ZBBX: variants seen among roughly 807,000 people sequenced by gnomAD.
ZBBX encodes the protein zinc finger B-box domain-containing protein 1.
Under a neutral mutation model 108.5 loss-of-function variants are expected in ZBBX, and 101 were observed. The observed-to-expected ratio is 0.93, with a 90% CI of 0.79 to 1.10. The LOEUF (loss-of-function observed/expected upper bound fraction) is 1.10, where lower values mean the gene tolerates loss of function less well. ZBBX is among the 50% of genes least tolerant of loss of function. The probability of loss-of-function intolerance (pLI) is 0.00; values close to 1 mark genes in which losing one functional copy is unlikely to be tolerated. For missense variants in ZBBX, 1,009 were observed against 941.4 expected (o/e 1.07, Z -0.94); for synonymous variants, 356 against 323.4 (o/e 1.10, Z -1.08).
intron 19 of ZBBX, among the ~76,000 whole-genome samples, chr3:167,282,818 T>C (rs1729047200): frequency 6.6e-6 from 1 of 152,188 alleles, no homozygotes; most frequent in South Asian, 2.1e-4. Flanking sequence ...CACAATTTTA[T>C]AACGTATTCC....
the ZBBX span, among the ~76,000 whole-genome samples, chr3:167,230,615 G>T: frequency 6.6e-6 from 1 of 151,886 alleles, no homozygotes; most frequent in Non-Finnish European, 1.5e-5. Flanking sequence ...CAAGGTAAAG[G>T]TCCTGAAGCT....
the ZBBX span, among the ~76,000 whole-genome samples, chr3:167,190,057 T>C: frequency 6.6e-6 from 1 of 152,222 alleles, no homozygotes; most frequent in Non-Finnish European, 1.5e-5. Flanking sequence ...ATGTTATTGA[T>C]AGACATTTAG....
chr3:167,295,702 A>G (rs1731523086), intron 18 of ZBBX, among the ~76,000 whole-genome samples: 1 of 134,028 alleles, frequency 7.5e-6, no homozygotes, highest in Admixed American at 8.3e-5. Context: ...GAAGAAACAA[A>G]AAATTGGAAT....
intron 9 of ZBBX, among the ~76,000 whole-genome samples, chr3:167,337,236 G>A (rs1460927680): frequency 6.6e-6 from 1 of 152,124 alleles, no homozygotes; most frequent in Non-Finnish European, 1.5e-5. Flanking sequence ...AGCTTATTTA[G>A]GCTGGGCAGG....
intron 19 of ZBBX, among the ~76,000 whole-genome samples, chr3:167,286,337 T>A (rs1164275888): frequency 6.6e-6 from 1 of 152,132 alleles, no homozygotes; most frequent in Non-Finnish European, 1.5e-5. Context: ...GGCATACTTT[T>A]TTCTACTTTC....
At chr3:167,271,207 A>C (rs1576835347) in intron 20 of ZBBX, among the ~76,000 whole-genome samples, 1 of 71,618 alleles carries the variant, frequency 1.4e-5, no homozygotes, top group Non-Finnish European at 4.5e-5. Context: ...GGACTAAACA[A>C]GGTCTTATTA....
chr3:167,354,235 T>C (rs1393319607), intron 8 of ZBBX, among the ~76,000 whole-genome samples: 2 of 151,906 alleles, frequency 1.3e-5, no homozygotes, highest in Admixed American at 6.6e-5. Flanking sequence ...ATCACTAGCC[T>C]GGGAAAATAT....
intron 10 of ZBBX, among the ~76,000 whole-genome samples, chr3:167,333,329 T>C (rs574595661): frequency 3.4e-4 from 51 of 152,190 alleles, no homozygotes; most frequent in African/African-American, 1.1e-3. Flanking sequence ...TATAAATATA[T>C]AGACATGAGT....
At chr3:167,342,322 G>A (rs1196482889) in intron 9 of ZBBX, among the ~76,000 whole-genome samples, 1 of 151,694 alleles carries the variant, frequency 6.6e-6, no homozygotes, top group Non-Finnish European at 1.5e-5. Context: ...ATTGACTAAA[G>A]GTTCAGACAG....
intron 16 of ZBBX, among the ~76,000 whole-genome samples, chr3:167,310,363 C>T (rs1357094449): frequency 6.6e-6 from 1 of 152,182 alleles, no homozygotes; most frequent in Non-Finnish European, 1.5e-5. Context: ...GTTCTAAAGT[C>T]ACTTCCACAT....
the ZBBX span, among the ~76,000 whole-genome samples, chr3:167,227,961 A>G: frequency 6.6e-6 from 1 of 151,656 alleles, no homozygotes; most frequent in Admixed American, 6.6e-5. Flanking sequence ...ATAGCTGGAT[A>G]ATGACTCCTT....
intron 8 of ZBBX, among the ~76,000 whole-genome samples, chr3:167,356,823 T>C (rs1281999635): frequency 6.6e-6 from 1 of 152,110 alleles, no homozygotes; most frequent in African/African-American, 2.4e-5. Context: ...TGATGATCAA[T>C]ATTACATAGA....
At chr3:167,399,387 A>C (rs554238224) in intron 1 of ZBBX, 1 of 152,180 alleles carries the variant, frequency 6.6e-6, no homozygotes. Flanking sequence ...TCTTTCAACC[A>C]CTCTAAGCTG....
At chr3:167,316,935 C>A in intron 14 of ZBBX, 70 bp downstream of exon 14, 1 of 804,146 alleles carries the variant, frequency 1.2e-6, no homozygotes, top group Non-Finnish European at 1.9e-6. Context: ...AAATAATATG[C>A]AGATGTAAGT....
chr3:167,217,195 A>G, the ZBBX span, among the ~76,000 whole-genome samples: 1 of 152,158 alleles, frequency 6.6e-6, no homozygotes. Flanking sequence ...AACCTATGGA[A>G]TAGGAGAAAA....
At chr3:167,269,853 G>A (rs1367284109) in intron 20 of ZBBX, among the ~76,000 whole-genome samples, 1 of 152,102 alleles carries the variant, frequency 6.6e-6, no homozygotes, top group African/African-American at 2.4e-5. Flanking sequence ...TACTGTAACA[G>A]ACTCAAAGCA....
the ZBBX span, among the ~76,000 whole-genome samples, chr3:167,202,919 C>T: frequency 3.9e-5 from 6 of 151,932 alleles, no homozygotes; most frequent in African/African-American, 9.7e-5. Context: ...GTACTAAAGC[C>T]GAATATCTTA....
At chr3:167,212,482 C>T in the ZBBX span, among the ~76,000 whole-genome samples, 2 of 152,204 alleles carry the variant, frequency 1.3e-5, no homozygotes, top group African/African-American at 4.8e-5. Flanking sequence ...GCCTTATCCA[C>T]AGCTCCAACA....
At position 167,242,505 on chromosome 3, in the gene ZBBX, C is replaced by T. The variant is rs757255843; in HGVS notation, c.2393G>A (p.Ser798Asn). 7 of 1,597,182 alleles carry T rather than the reference C, an allele frequency of 4.4e-6. No homozygotes were observed. The African/African-American group carries it at 6.8e-5, about 15-fold the overall frequency. ...VRGPCGVEELSCSGRDTKIQS... is the reference protein window; with the variant it reads ...VRGPCGVEELNCSGRDTKIQS... ...TAAATAAACTGCAGGCTTAACTTAC[C>T]TCAATTCCTCAACTCCACAGGGACC... is the stretch of plus-strand genomic sequence containing the variant. The change falls in exon 21 of 22, where the codon AGC becomes AAC. Residue 798 changes from serine to asparagine, a missense_variant and splice_region_variant. Physicochemically the swap from Ser to Asn is conservative, Grantham distance 46. Transcript: ENST00000675490.
Sources: allele counts gnomAD v4.1 joint callset (sites outside exome capture counted in the v4.1 genomes callset), GRCh38; gene constraint gnomAD v4.1.1; transcripts MANE v1.5; gene names NCBI Gene and HGNC (gene_info 2026-07-23, HGNC 2026-07-21).